Variants in GAP43 observed in about 807,000 individuals in gnomAD.
GAP43 encodes neuromodulin.
GAP43 carries 6 observed loss-of-function variants against 18.6 expected under a neutral mutation model. That is an observed-to-expected ratio of 0.32 (90% CI 0.18 to 0.64). GAP43 has a LOEUF of 0.64. Ranked by LOEUF, GAP43 falls within the 30% of genes least tolerant of loss-of-function variation. The pLI is 0.78. For synonymous variants in GAP43, 115 were observed against 111.4 expected, an observed-to-expected ratio of 1.03 and a Z score of -0.20; for missense variants, 292 against 295.5, an observed-to-expected ratio of 0.99 and a Z score of 0.09.
intron 2 of GAP43, among the ~76,000 whole-genome samples, chr3:115,686,480 T>C (rs1709034671): frequency 6.6e-6 from 1 of 152,182 alleles, no homozygotes; most frequent in African/African-American, 2.4e-5. Flanking sequence ...CAAAATTTGA[T>C]CTGAGCTGTA....
intron 2 of GAP43, among the ~76,000 whole-genome samples, chr3:115,719,592 G>A (rs1709552326): frequency 6.6e-6 from 1 of 152,198 alleles, no homozygotes; most frequent in Non-Finnish European, 1.5e-5. Flanking sequence ...ATTTATTGCT[G>A]AAAGAATTAA....
At chr3:115,709,607 T>C (rs1709408661) in intron 2 of GAP43, among the ~76,000 whole-genome samples, 1 of 152,202 alleles carries the variant, frequency 6.6e-6, no homozygotes, top group Non-Finnish European at 1.5e-5. Flanking sequence ...AACATAAATT[T>C]GCTTATTTCA....
intron 1 of GAP43, among the ~76,000 whole-genome samples, chr3:115,642,507 G>A (rs1246934265): frequency 6.6e-6 from 1 of 151,452 alleles, no homozygotes; most frequent in Non-Finnish European, 1.5e-5. Context: ...ATTCTAGAAT[G>A]TGCTCTTAAA....
chr3:115,651,766 T>C (rs1708521362), intron 1 of GAP43, among the ~76,000 whole-genome samples: 1 of 152,152 alleles, frequency 6.6e-6, no homozygotes, highest in South Asian at 2.1e-4. Flanking sequence ...CCTGAGGTCC[T>C]TGGTGGCCTT....
intron 2 of GAP43, among the ~76,000 whole-genome samples, chr3:115,711,113 T>G (rs1383164725): frequency 6.6e-6 from 1 of 152,190 alleles, no homozygotes; most frequent in Admixed American, 6.5e-5. Context: ...CAGCTTCAAT[T>G]TTCTTATCAA....
chr3:115,628,778 A>G (rs551564252), intron 1 of GAP43, among the ~76,000 whole-genome samples: 1 of 150,884 alleles, frequency 6.6e-6, no homozygotes, highest in East Asian at 2.0e-4. Flanking sequence ...CATTCATTCC[A>G]CTCTTCTCGT....
chr3:115,698,130 T>A (rs1405559616), intron 2 of GAP43, among the ~76,000 whole-genome samples: 4 of 21,420 alleles, frequency 1.9e-4, no homozygotes, highest in South Asian at 3.5e-3. Flanking sequence ...ATATTATATA[T>A]AATATATATA....
intron 2 of GAP43, among the ~76,000 whole-genome samples, chr3:115,688,119 C>T (rs548990519): frequency 2.1e-4 from 32 of 152,094 alleles, no homozygotes; most frequent in Admixed American, 3.9e-4. Flanking sequence ...CGGGTTCAAC[C>T]GATTATCCTG....
intron 1 of GAP43, among the ~76,000 whole-genome samples, chr3:115,628,052 T>G (rs1426269878): frequency 6.6e-6 from 1 of 152,136 alleles, no homozygotes; most frequent in African/African-American, 2.4e-5. Flanking sequence ...TAAACATACT[T>G]GATGTGAAAA....
At chr3:115,640,933 C>T (rs1576979218) in intron 1 of GAP43, among the ~76,000 whole-genome samples, 1 of 143,058 alleles carries the variant, frequency 7.0e-6, no homozygotes, top group Non-Finnish European at 1.5e-5. Context: ...TTCTTTTTTT[C>T]CTTCTCTTTC....
intron 2 of GAP43, among the ~76,000 whole-genome samples, chr3:115,709,630 T>G (rs1709408816): frequency 6.6e-6 from 1 of 152,206 alleles, no homozygotes; most frequent in Admixed American, 6.5e-5. Flanking sequence ...CTAAGGCCTA[T>G]GTCAAAGAAT....
chr3:115,676,922 G>A (rs1272180027), intron 2 of GAP43, among the ~76,000 whole-genome samples: 1 of 152,180 alleles, frequency 6.6e-6, no homozygotes, highest in East Asian at 1.9e-4. Flanking sequence ...CTTTAAAAAA[G>A]TATTCTGTGT....
chr3:115,691,826 G>A (rs1709119001), intron 2 of GAP43, among the ~76,000 whole-genome samples: 1 of 152,066 alleles, frequency 6.6e-6, no homozygotes, highest in Non-Finnish European at 1.5e-5. Context: ...GGTTAATTTG[G>A]GCTTCATGTA....
intron 2 of GAP43, among the ~76,000 whole-genome samples, chr3:115,698,133 TATATATA>T (rs1486136111): frequency 1.1e-4 from 1 of 9,418 alleles, no homozygotes; most frequent in Non-Finnish European, 2.3e-4. Context: ...TTATATATAA[TATATATA>T]ATATATATTA....
chr3:115,640,307 T>C (rs1012806821), intron 1 of GAP43, among the ~76,000 whole-genome samples: 1 of 152,040 alleles, frequency 6.6e-6, no homozygotes, highest in Admixed American at 6.6e-5. Context: ...GTAGTTTGGG[T>C]TGCCAAGAAA....
At chr3:115,710,816 C>A (rs1438856292) in intron 2 of GAP43, among the ~76,000 whole-genome samples, 11 of 152,010 alleles carry the variant, frequency 7.2e-5, no homozygotes, top group Non-Finnish European at 2.9e-5. Flanking sequence ...GATTTTTGTC[C>A]ACTCAAATTA....
rs1708657872 is a variant in GAP43, at chr3:115,661,453, C to T, written c.31-14560C>T. 3.3e-5 allele frequency among the ~76,000 whole-genome samples: 5 copies of T among 152,140 alleles called. No homozygotes were observed. In the South Asian group the frequency reaches 6.2e-4, roughly 19 times the overall value. On this transcript the variant is annotated intron_variant, in intron 1 of 2. Coordinates refer to ENST00000305124, the MANE Select transcript of GAP43 (RefSeq NM_002045.4). ...CTTGGCTTTGCTTTGTCAAGCCCACCGGGCTTTGATATGACTTTGTTTTTG... is the reference window on the plus strand; with the variant it reads ...CTTGGCTTTGCTTTGTCAAGCCCACTGGGCTTTGATATGACTTTGTTTTTG...
chr3:115,712,419 T>C, intron 2 of GAP43, among the ~76,000 whole-genome samples: 1 of 135,162 alleles, frequency 7.4e-6, no homozygotes, highest in East Asian at 2.0e-4. Context: ...GAATTGCTTT[T>C]TTTCCTCTTG....
intron 2 of GAP43, among the ~76,000 whole-genome samples, chr3:115,686,518 A>G (rs1394996672): frequency 1.3e-5 from 2 of 152,146 alleles, no homozygotes; most frequent in Admixed American, 6.5e-5. Context: ...AAGGCTTTTC[A>G]TCTTTTTTTA....
Sources: allele counts gnomAD v4.1 joint callset (sites outside exome capture counted in the v4.1 genomes callset), GRCh38; gene constraint gnomAD v4.1.1; transcripts MANE v1.5; gene names NCBI Gene and HGNC (gene_info 2026-07-23, HGNC 2026-07-21).